The following TG variants were observed in gnomAD, a reference collection of about 807,000 sequenced individuals.
The protein encoded by TG is thyroglobulin, also known as thyroid hormones.
TG carries 270 observed loss-of-function variants against 324.7 expected under a neutral mutation model. The ratio of observed to expected loss-of-function variants is 0.83; its 90% CI spans 0.75 to 0.92. The LOEUF (loss-of-function observed/expected upper bound fraction) is 0.92, where lower values mean the gene tolerates loss of function less well. Ranked by LOEUF, TG falls within the 40% of genes least tolerant of loss-of-function variation. TG has a pLI of 0.00. For synonymous variants in TG, 1,401 were observed against 1,327.0 expected (o/e 1.06, Z -1.21); for missense variants, 3,591 against 3,456.4 (o/e 1.04, Z -0.98).
intron 41 of TG, among the ~76,000 whole-genome samples, chr8:133,070,424 A>T (rs1323647715): frequency 6.6e-6 from 1 of 152,204 alleles, no homozygotes; most frequent in Non-Finnish European, 1.5e-5. Flanking sequence ...CACTATGCGG[A>T]GGGCCTAAAG....
intron 17 of TG, 94 bp from the exon 18 acceptor site, chr8:132,908,092 A>G (rs187562649): frequency 1.0e-4 from 151 of 1,464,524 alleles, no homozygotes; most frequent in Admixed American, 4.9e-4. Context: ...TTTGAGCTCA[A>G]TGAGGAAGGG....
In TG at chr8:132,888,216, A is replaced by T. The variant is rs1397000992; in HGVS notation, c.2409A>T (p.Leu803=). The part of the protein sequence containing the change: ...KGQDLTPAKL[L]VKIMSYREAA... ...AGGATCTGACGCCTGCCAAGCTGCT[A>T]GTGAAGATCATGAGCTACAGAGAAG... is the stretch of plus-strand genomic sequence containing the variant. The change falls in exon 10 of 48, where the codon CTA becomes CTT. Residue 803 remains leucine (L), a synonymous_variant. Coordinates refer to ENST00000220616, the MANE Select transcript of TG (RefSeq NM_003235.5). 3 of 1,614,228 alleles carry T rather than the reference A, an allele frequency of 1.9e-6. No homozygotes were observed. The highest frequency in any genetic ancestry group is 2.2e-5 in the South Asian group (2 of 91,082).
At chr8:133,097,156 A>T (rs900975995) in intron 43 of TG, among the ~76,000 whole-genome samples, 1 of 152,186 alleles carries the variant, frequency 6.6e-6, no homozygotes, top group Admixed American at 6.5e-5. Context: ...CATGCATGAC[A>T]TGGGTCTCTG....
intron 45 of TG, among the ~76,000 whole-genome samples, chr8:133,127,054 C>T (rs536272444): frequency 2.0e-5 from 3 of 152,178 alleles, no homozygotes; most frequent in Non-Finnish European, 4.4e-5. Flanking sequence ...TGTGCTGTGC[C>T]ATCTCCAGCA....
At chr8:132,870,531 G>T (rs1295752253) in intron 3 of TG, among the ~76,000 whole-genome samples, 1 of 151,356 alleles carries the variant, frequency 6.6e-6, no homozygotes, top group Non-Finnish European at 1.5e-5. Flanking sequence ...TAAACACTAG[G>T]CACATAGTAG....
At chr8:132,877,183 A>G (rs1174593894) in intron 5 of TG, among the ~76,000 whole-genome samples, 1 of 152,120 alleles carries the variant, frequency 6.6e-6, no homozygotes, top group Non-Finnish European at 1.5e-5. Flanking sequence ...TTTGTCACCC[A>G]GGCTGGATTG....
chr8:133,117,936 A>C (rs1221280496), intron 45 of TG, among the ~76,000 whole-genome samples: 1 of 152,172 alleles, frequency 6.6e-6, no homozygotes, highest in East Asian at 1.9e-4. Context: ...CCTACAAAAT[A>C]AGACTAAAGT....
intron 41 of TG, among the ~76,000 whole-genome samples, chr8:133,086,414 A>G (rs1279158584): frequency 6.6e-6 from 1 of 152,244 alleles, no homozygotes; most frequent in Admixed American, 6.5e-5. Flanking sequence ...TCATAGTTTG[A>G]AATACTGGAT....
chr8:132,868,263 T>C, intron 2 of TG, 40 bp downstream of exon 2: 2 of 1,588,072 alleles, frequency 1.3e-6, no homozygotes, highest in East Asian at 2.2e-5. Flanking sequence ...AGGTCCAAGA[T>C]GCCATAAAAA....
chr8:133,111,865 A>G (rs919387049), intron 43 of TG, among the ~76,000 whole-genome samples: 5 of 152,278 alleles, frequency 3.3e-5, no homozygotes. Flanking sequence ...TAGAATGAGA[A>G]CAAAGCCCTC....
At chr8:133,093,803 G>C (rs17703832) in intron 41 of TG, among the ~76,000 whole-genome samples, 1 of 152,128 alleles carries the variant, frequency 6.6e-6, no homozygotes, top group Middle Eastern at 3.4e-3. Context: ...GTGTTTGGCC[G>C]CTGGGGTCAG....
At chr8:132,989,704 C>T (rs925373157) in intron 35 of TG, among the ~76,000 whole-genome samples, 126 of 152,272 alleles carry the variant, frequency 8.3e-4, no homozygotes, top group Non-Finnish European at 1.3e-4. Context: ...TGCCTGTGCC[C>T]GTGGGTTGAC....
At chr8:133,047,797 C>T (rs374708312) in intron 41 of TG, 60 of 1,202,808 alleles carry the variant, frequency 5.0e-5, no homozygotes, top group Middle Eastern at 3.8e-4. Flanking sequence ...TTGTCTGCCC[C>T]GGATGGGGAA....
At chr8:132,901,582 G>A (rs1221417938) in intron 16 of TG, 29 bp downstream of exon 16, 10 of 1,603,106 alleles carry the variant, frequency 6.2e-6, no homozygotes, top group African/African-American at 1.3e-5. Flanking sequence ...GGGGGACGAC[G>A]AGGCCTGCAT....
At chr8:132,926,201 A>G (rs1453457598) in intron 22 of TG, among the ~76,000 whole-genome samples, 2 of 152,156 alleles carry the variant, frequency 1.3e-5, no homozygotes, top group African/African-American at 4.8e-5. Context: ...ACCTCCCCAG[A>G]CAGGTACCTA....
At chr8:133,094,309 C>G (rs915447348) in intron 41 of TG, among the ~76,000 whole-genome samples, 2 of 146,552 alleles carry the variant, frequency 1.4e-5, no homozygotes. Flanking sequence ...GGTGCGATCT[C>G]GGTCCACTGC....
Position 132,888,194 on chromosome 8 carries a change from A to T in TG, c.2387A>T (p.Asp796Val), listed in dbSNP as rs1166586469. The change falls in exon 10 of 48, where the codon GAT (aspartate) becomes GTT (valine). Residue 796 changes from aspartate to valine, a missense_variant. Coordinates refer to ENST00000220616, the MANE Select transcript of TG (RefSeq NM_003235.5). ...TGGGAGGCTCAGAACAAGGGCCAGGATCTGACGCCTGCCAAGCTGCTAGTG... is the reference window on the plus strand; with the variant it reads ...TGGGAGGCTCAGAACAAGGGCCAGGTTCTGACGCCTGCCAAGCTGCTAGTG... Reference protein sequence around the residue: ...QRWEAQNKGQDLTPAKLLVKI... With the variant: ...QRWEAQNKGQVLTPAKLLVKI... 1 of 1,614,216 alleles carries T rather than the reference A, an allele frequency of 6.2e-7. No individual in the cohort carries two copies. The highest frequency in any genetic ancestry group is 1.7e-5 in the Admixed American group (1 of 60,028).
chr8:133,012,874 T>C (rs569168585), intron 36 of TG, among the ~76,000 whole-genome samples: 1 of 152,242 alleles, frequency 6.6e-6, no homozygotes, highest in African/African-American at 2.4e-5. Flanking sequence ...TTTTCAGAAC[T>C]GTTCTTAGGA....
chr8:132,941,802 G>A (rs567099409), intron 26 of TG, among the ~76,000 whole-genome samples: 27 of 152,270 alleles, frequency 1.8e-4, no homozygotes, highest in African/African-American at 6.0e-4. Flanking sequence ...TGCAAGCTCC[G>A]TTTTACACAC....
Sources: gnomAD v4.1 joint callset for allele counts (sites outside exome capture counted in the v4.1 genomes callset) on GRCh38, gnomAD v4.1.1 for gene constraint, MANE v1.5 for transcripts, NCBI Gene and HGNC (gene_info 2026-07-23, HGNC 2026-07-21) for gene names.